Variants in MEF2C observed in about 807,000 individuals in gnomAD.
The protein encoded by MEF2C is myocyte-specific enhancer factor 2C.
A neutral mutation model predicts 50.5 loss-of-function variants in MEF2C; 6 were observed. That is an observed-to-expected ratio of 0.12 (90% confidence interval 0.07 to 0.23). The LOEUF (loss-of-function observed/expected upper bound fraction) is 0.23. MEF2C is among the 10% of genes least tolerant of loss of function. The probability of loss-of-function intolerance (pLI) is 1.00; values close to 1 mark genes in which losing one functional copy is unlikely to be tolerated. For synonymous variants in MEF2C, 183 were observed against 228.0 expected, an observed-to-expected ratio of 0.80 and a Z score of 1.78; for missense variants, 276 against 605.0, an observed-to-expected ratio of 0.46 and a Z score of 5.70.
chr5:88,761,257 G>A lies in MEF2C; in HGVS notation c.330C>T (p.Ser110=). 2 of 1,613,984 alleles carry A rather than the reference G, an allele frequency of 1.2e-6. No individual in the cohort carries two copies. The highest frequency in any genetic ancestry group is 1.7e-6 in the Non-Finnish European group (2 of 1,179,876). Residue 110 remains serine (S), a synonymous_variant, in exon 4 of 11, where the codon AGC becomes AGT. Coordinates refer to ENST00000504921, the MANE Select transcript of MEF2C (RefSeq NM_002397.5). ...DPDADDSVGH[S]PESEDKYRKI... is the part of the protein sequence containing the mutation. Reference sequence around the variant, plus strand: ...TCCTGTACTTGTCCTCAGACTCAGGGCTGTGACCTACGGAATCGTCCGCAT... The same window carrying A: ...TCCTGTACTTGTCCTCAGACTCAGGACTGTGACCTACGGAATCGTCCGCAT...
At chr5:88,853,612 G>C (rs1161567226) in intron 1 of MEF2C, among the ~76,000 whole-genome samples, 1 of 152,120 alleles carries the variant, frequency 6.6e-6, no homozygotes, top group Non-Finnish European at 1.5e-5. Flanking sequence ...TTAGTGATTT[G>C]AATATCATTT....
At chr5:88,845,345 G>A (rs1166448011) in intron 1 of MEF2C, among the ~76,000 whole-genome samples, 1 of 152,176 alleles carries the variant, frequency 6.6e-6, no homozygotes, top group South Asian at 2.1e-4. Context: ...TATAGTCACT[G>A]TTCATTTCCT....
At chr5:88,847,611 A>T (rs1227225981) in intron 1 of MEF2C, among the ~76,000 whole-genome samples, 1 of 152,176 alleles carries the variant, frequency 6.6e-6, no homozygotes, top group Admixed American at 6.5e-5. Flanking sequence ...TTAGAAAAAG[A>T]TAAAAAGAGC....
chr5:88,865,805 C>T (rs1240014096), intron 1 of MEF2C, among the ~76,000 whole-genome samples: 1 of 152,152 alleles, frequency 6.6e-6, no homozygotes, highest in Non-Finnish European at 1.5e-5. Flanking sequence ...CAGTGGGCAT[C>T]GTAAGTGACA....
intron 3 of MEF2C, chr5:88,770,081 A>T: frequency 1.2e-6 from 1 of 829,542 alleles, no homozygotes; most frequent in Non-Finnish European, 1.5e-6. Flanking sequence ...ACAGAACTAT[A>T]AATTAAACAA....
intron 1 of MEF2C, among the ~76,000 whole-genome samples, chr5:88,900,742 T>G (rs1835573097): frequency 6.6e-6 from 1 of 151,940 alleles, no homozygotes; most frequent in Admixed American, 6.6e-5. Context: ...CATTGTTACT[T>G]ATAGTTTACT....
chr5:88,831,635 TAGA>T (rs989825642), intron 1 of MEF2C, among the ~76,000 whole-genome samples: 6 of 152,044 alleles, frequency 3.9e-5, no homozygotes, highest in Non-Finnish European at 7.4e-5. Context: ...CCTTCACATT[TAGA>T]AGGTTTACAC....
chr5:88,732,187 C>G (rs1488311351), intron 6 of MEF2C, among the ~76,000 whole-genome samples: 1 of 152,124 alleles, frequency 6.6e-6, no homozygotes, highest in African/African-American at 2.4e-5. Context: ...GGAAGAAAGT[C>G]AGACAGTAGT....
chr5:88,772,608 A>C, intron 3 of MEF2C: 1 of 429,228 alleles, frequency 2.3e-6, no homozygotes, highest in Non-Finnish European at 3.1e-6. Context: ...TAGCAGGCAG[A>C]GAGATTTTTC....
At chr5:88,891,392 C>G (rs926183453) in intron 1 of MEF2C, among the ~76,000 whole-genome samples, 1 of 125,636 alleles carries the variant, frequency 8.0e-6, no homozygotes, top group Non-Finnish European at 1.6e-5. Context: ...AACCAACCAA[C>G]CTTTTTTTTT....
At chr5:88,857,907 A>G (rs1444356063) in intron 1 of MEF2C, among the ~76,000 whole-genome samples, 1 of 152,230 alleles carries the variant, frequency 6.6e-6, no homozygotes, top group African/African-American at 2.4e-5. Context: ...AAAGTAGCTG[A>G]ATGTGTGCTT....
At chr5:88,770,055 G>A (rs1781688837) in intron 3 of MEF2C, 1 of 942,508 alleles carries the variant, frequency 1.1e-6, no homozygotes. Flanking sequence ...TCTTAAATGA[G>A]GAAGGAAAAG....
intron 1 of MEF2C, among the ~76,000 whole-genome samples, chr5:88,849,033 C>A (rs561148826): frequency 8.3e-4 from 126 of 151,818 alleles, no homozygotes; most frequent in African/African-American, 2.9e-3. Flanking sequence ...TGCCTGTAAT[C>A]CCAGCTACTC....
At chr5:88,794,332 C>G (rs1276702252) in intron 3 of MEF2C, among the ~76,000 whole-genome samples, 1 of 152,188 alleles carries the variant, frequency 6.6e-6, no homozygotes, top group African/African-American at 2.4e-5. Flanking sequence ...TTAATGATCA[C>G]CATTCTAACT....
At chr5:88,871,345 C>CTTA (rs148498606) in intron 1 of MEF2C, among the ~76,000 whole-genome samples, 20 of 151,714 alleles carry the variant, frequency 1.3e-4, no homozygotes, top group African/African-American at 3.4e-4. Flanking sequence ...TTCATGCAGA[C>CTTA]TTATTATTAT....
chr5:88,735,248 A>G, intron 6 of MEF2C: 5 of 985,364 alleles, frequency 5.1e-6, no homozygotes, highest in Non-Finnish European at 6.0e-6. Context: ...CCACCTTAAG[A>G]TAAATTCACC....
In MEF2C at chr5:88,756,028, G is replaced by A. The variant is rs114163532; in HGVS notation, c.403-3985C>T. Among the ~76,000 whole-genome samples the A allele has an allele frequency of 5.4e-3, 817 of 152,216 alleles. 6 individuals carry two copies. Among genetic ancestry groups the A allele is most frequent in the African/African-American group, 0.019 (794 of 41,520 alleles). On this transcript the variant is annotated intron_variant, in intron 4 of 10. Coordinates refer to ENST00000504921, the MANE Select transcript of MEF2C (RefSeq NM_002397.5). ...TTATTATAAAACTACTTTGTGATTG[G>A]CTAAGCAGTCAAATATAATTATGGT... is the stretch of plus-strand genomic sequence containing the variant.
chr5:88,897,112 TTGA>T (rs1206144421), intron 1 of MEF2C, among the ~76,000 whole-genome samples: 3 of 152,222 alleles, frequency 2.0e-5, no homozygotes, highest in African/African-American at 4.8e-5. Flanking sequence ...TTCTAAACAA[TTGA>T]TGATGCATGT....
chr5:88,897,323 G>C (rs1361312774), intron 1 of MEF2C, among the ~76,000 whole-genome samples: 2 of 152,190 alleles, frequency 1.3e-5, no homozygotes, highest in African/African-American at 4.8e-5. Context: ...TGAGATTCTA[G>C]TCTGTGTAGC....
Sources: allele counts gnomAD v4.1 joint callset (sites outside exome capture counted in the v4.1 genomes callset), GRCh38; gene constraint gnomAD v4.1.1; transcripts MANE v1.5; gene names NCBI Gene and HGNC (gene_info 2026-07-23, HGNC 2026-07-21).